Variants in LARP1 observed in about 807,000 individuals in gnomAD.
LARP1 encodes the protein La ribonucleoprotein 1, translational regulator.
A neutral mutation model predicts 122.7 loss-of-function variants in LARP1; 36 were observed. That is an observed-to-expected ratio of 0.29 (90% CI 0.22 to 0.39). The LOEUF is 0.39. LARP1 is among the 10% of genes least tolerant of loss of function. The probability of loss-of-function intolerance (pLI) is 1.00; values close to 1 mark genes in which losing one functional copy is unlikely to be tolerated. For synonymous variants in LARP1, 539 were observed against 528.7 expected (o/e 1.02, Z -0.27); for missense variants, 1,040 against 1,403.6 (o/e 0.74, Z 4.14).
intron 1 of LARP1, among the ~76,000 whole-genome samples, chr5:154,733,245 A>G (rs1226119511): frequency 3.9e-5 from 6 of 152,242 alleles, no homozygotes; most frequent in African/African-American, 1.4e-4. Flanking sequence ...GAAGGAAGCC[A>G]TGAACTGGTT....
chr5:154,804,515 C>T (rs893200094), intron 14 of LARP1, among the ~76,000 whole-genome samples: 1 of 152,128 alleles, frequency 6.6e-6, no homozygotes, highest in South Asian at 2.1e-4. Flanking sequence ...GTGGCAGTCA[C>T]GTGAGACCAG....
chr5:154,796,175 TTA>T (rs1307939848), intron 8 of LARP1, among the ~76,000 whole-genome samples: 4 of 130,894 alleles, frequency 3.1e-5, no homozygotes, highest in African/African-American at 1.1e-4. Flanking sequence ...TATTTATATA[TTA>T]TATATATATT....
intron 1 of LARP1, among the ~76,000 whole-genome samples, chr5:154,703,120 CAAAAAAAAAAAAAA>C (rs757446137): frequency 2.6e-5 from 1 of 38,760 alleles, no homozygotes; most frequent in South Asian, 1.7e-3. Flanking sequence ...GACGCTGTCT[CAAAAAAAAAAAAAA>C]AAAAAAAAAA....
intron 1 of LARP1, among the ~76,000 whole-genome samples, chr5:154,715,571 G>A (rs1231197704): frequency 2.6e-5 from 4 of 152,236 alleles, no homozygotes; most frequent in East Asian, 1.9e-4. Flanking sequence ...ACACTGAAAC[G>A]TTGCTGCTGA....
At chr5:154,736,864 C>T (rs890222463) in intron 1 of LARP1, among the ~76,000 whole-genome samples, 6 of 151,886 alleles carry the variant, frequency 4.0e-5, no homozygotes, top group Non-Finnish European at 5.9e-5. Flanking sequence ...CCATCCCTGG[C>T]CCTATTTTTA....
In LARP1 at chr5:154,790,338, A is replaced by T. The variant is rs746340472; in HGVS notation, c.450A>T (p.Pro150=). ...TTGTTCCCACAGAACACTCTGCTCC[A>T]GCCAAGGTGGTGAGGGCAGCTGTTC... The part of the protein sequence containing the change: ...NGQSPPEHSA[P]AKVVRAAVPK... Residue 150 remains proline (P), a synonymous_variant, in exon 2 of 19, where the codon CCA becomes CCT. Transcript: ENST00000518297. 5 of 1,613,706 alleles carry T rather than the reference A, an allele frequency of 3.1e-6. No homozygotes were observed. The South Asian group carries it at 5.5e-5, about 18-fold the overall frequency.
rs745473826 is a variant in LARP1, at chr5:154,793,787, C to T, written c.869-13C>T. On this transcript the variant is annotated splice_polypyrimidine_tract_variant and intron_variant, in intron 5 of 18. Coordinates refer to ENST00000518297, the MANE Select transcript of LARP1 (RefSeq NM_033551.3). ...ACACCCTCAGGCCTGACCTGGTACC[C>T]CTCTCCCCATAGGGTCTGAGTCTGC... is the stretch of plus-strand genomic sequence containing the variant. 6.2e-7 allele frequency: 1 copy of T among 1,614,182 alleles called. No individual in the cohort carries two copies. Among genetic ancestry groups the T allele is most frequent in the East Asian group, 2.2e-5 (1 of 44,874 alleles).
intron 1 of LARP1, among the ~76,000 whole-genome samples, chr5:154,695,012 A>G (rs1754401040): frequency 6.6e-6 from 1 of 151,972 alleles, no homozygotes; most frequent in South Asian, 2.1e-4. Context: ...CAAAATAAAA[A>G]GTTTTTTAAA....
At chr5:154,740,567 G>T (rs1757178404) in intron 1 of LARP1, among the ~76,000 whole-genome samples, 1 of 152,194 alleles carries the variant, frequency 6.6e-6, no homozygotes, top group African/African-American at 2.4e-5. Flanking sequence ...ACACAGAGAG[G>T]TTTTATGGCT....
intron 18 of LARP1, 67 bp from the exon 19 acceptor site, chr5:154,813,820 C>G: frequency 1.5e-6 from 2 of 1,332,238 alleles, no homozygotes; most frequent in Non-Finnish European, 2.1e-6. Flanking sequence ...AGTGTCTAGA[C>G]GGGCCTGGCA....
chr5:154,754,996 G>A (rs1350514152), upstream of LARP1, among the ~76,000 whole-genome samples: 1 of 152,162 alleles, frequency 6.6e-6, no homozygotes, highest in African/African-American at 2.4e-5. Flanking sequence ...CTCCACCTGA[G>A]GCCGCTCTCA....
chr5:154,738,390 G>A (rs920194250), intron 1 of LARP1, among the ~76,000 whole-genome samples: 3 of 152,152 alleles, frequency 2.0e-5, no homozygotes, highest in East Asian at 1.9e-4. Context: ...TCAGGAGTTC[G>A]AGACCAGCCT....
intron 1 of LARP1, among the ~76,000 whole-genome samples, chr5:154,687,660 C>T (rs112379773): frequency 2.6e-5 from 4 of 152,140 alleles, no homozygotes; most frequent in Admixed American, 1.3e-4. Context: ...GGATTACAGG[C>T]GTGAGCCACT....
Position 154,803,619 on chromosome 5 carries a change from C to T in LARP1, c.2313C>T (p.Val771=), listed in dbSNP as rs1254043354. Residue 771 remains valine (V), a synonymous_variant, in exon 13 of 19, where the codon GTC becomes GTT. Coordinates refer to ENST00000518297, the MANE Select transcript of LARP1 (RefSeq NM_033551.3). This position sits in a 1 kb window ranked among gnomAD's most constrained non-coding sequence, Gnocchi z 4.4. ...STIARSLPTT[V]PESPNYRNTR... ...TCGCCCGCTCTCTACCAACCACTGT[C>T]CCAGAGTCACCAAACTACCGCAACA... 3.1e-6 allele frequency: 5 copies of T among 1,614,060 alleles called. No individual in the cohort carries two copies. In the Admixed American group the frequency reaches 6.7e-5, roughly 22 times the overall value.
At chr5:154,781,275 G>A (rs1756404481) in intron 1 of LARP1, among the ~76,000 whole-genome samples, 1 of 152,192 alleles carries the variant, frequency 6.6e-6, no homozygotes, top group East Asian at 1.9e-4. Flanking sequence ...CAAGCTGATT[G>A]TGCATAGCTC....
rs576985952 is a variant in LARP1, at chr5:154,764,964, G to A, written c.436+8771G>A. Among the ~76,000 whole-genome samples the A allele has an allele frequency of 3.4e-4, 52 of 150,976 alleles. No homozygotes were observed. In the East Asian group the frequency reaches 4.1e-3, roughly 12 times the overall value. ...ATGTCCAGATCTAAATGCTTGTACC[G>A]CCTCGTCTCTTGCTGGCCTGGACCA... On this transcript the variant is annotated intron_variant, in intron 1 of 18. Transcript: ENST00000518297.
intron 1 of LARP1, among the ~76,000 whole-genome samples, 183 bp from the exon 2 acceptor site, chr5:154,790,142 G>A (rs1757225506): frequency 6.6e-6 from 1 of 152,160 alleles, no homozygotes; most frequent in Non-Finnish European, 1.5e-5. Flanking sequence ...ACTTCTTCAG[G>A]AGTGGGCTGG....
rs536681686 is a variant in LARP1, at chr5:154,789,258, C to T, written c.437-1067C>T. On this transcript the variant is annotated intron_variant, in intron 1 of 18. Transcript: ENST00000518297. The stretch of plus-strand genomic sequence containing the variant: ...TTTTTTTGAGACAGTCTTGCTCCGT[C>T]GCCCAGGCTGGAGTGCAATGACGTT... Among the ~76,000 whole-genome samples, 45 of 138,110 alleles carry T rather than the reference C, an allele frequency of 3.3e-4. No homozygotes were observed. The East Asian group carries it at 8.4e-3, about 26-fold the overall frequency. The allele number at this position is 138,110 out of a possible 152,430, so 90.6% of individuals were successfully genotyped here. A position where few individuals can be genotyped will look rare whatever the true frequency, so the allele number is the denominator to read the frequency against.
chr5:154,797,424 G>A (rs763964213), intron 8 of LARP1, among the ~76,000 whole-genome samples: 4 of 150,698 alleles, frequency 2.7e-5, no homozygotes, highest in African/African-American at 4.9e-5. Context: ...GTAGAGATGG[G>A]GTTTCACCAT....
Sources: gnomAD v4.1 joint callset for allele counts (sites outside exome capture counted in the v4.1 genomes callset) on GRCh38, gnomAD v4.1.1 for gene constraint, Gnocchi (gnomAD v3.1) non-coding constraint, MANE v1.5 for transcripts, NCBI Gene and HGNC (gene_info 2026-07-23, HGNC 2026-07-21) for gene names.